GMFB: variants seen among roughly 807,000 people sequenced by gnomAD.
The protein encoded by GMFB is glia maturation factor beta.
GMFB carries 13 observed loss-of-function variants against 25.6 expected under a neutral mutation model. The ratio of observed to expected loss-of-function variants is 0.51; its 90% CI spans 0.33 to 0.81. The LOEUF (loss-of-function observed/expected upper bound fraction) is 0.81, where lower values mean the gene tolerates loss of function less well. GMFB is among the 30% of genes least tolerant of loss of function. GMFB has a pLI of 0.02. For synonymous variants in GMFB, 57 were observed against 56.9 expected (o/e 1.00, Z 0.00); for missense variants, 146 against 175.4 (o/e 0.83, Z 0.95).
In GMFB at chr14:54,488,935, C is replaced by G. The variant is rs1252382735; in HGVS notation, c.-8G>C. 1 of 1,561,564 alleles carries G rather than the reference C, an allele frequency of 6.4e-7. No individual in the cohort carries two copies. ...CCAGCGGCAACTCACCATTTTCCTTCCGGCCGTCAGCGGCCTGTCGCCTAC... is the reference window on the plus strand; with the variant it reads ...CCAGCGGCAACTCACCATTTTCCTTGCGGCCGTCAGCGGCCTGTCGCCTAC... On this transcript the variant is annotated 5_prime_UTR_variant, in exon 1 of 7. Transcript: ENST00000358056.
chr14:54,475,319 G>C lies in GMFB; in HGVS notation c.*2769C>G, dbSNP rs1331604027. 1 of 152,510 alleles carries C rather than the reference G, an allele frequency of 6.6e-6. No homozygotes were observed. The highest frequency in any genetic ancestry group is 1.5e-5 in the Non-Finnish European group (1 of 67,956). 9.4% of individuals were successfully genotyped at this position (152,510 alleles called of 1,614,324 possible). A position where few individuals can be genotyped will look rare whatever the true frequency, so the allele number is the denominator to read the frequency against. On this transcript the variant is annotated 3_prime_UTR_variant, in exon 7 of 7. Transcript: ENST00000358056. Reference sequence around the variant, plus strand: ...AGCTAAAGTGTCAGACAAGGATACAGTTTATGGCTACATTTGACTCCTGAA... The same window carrying C: ...AGCTAAAGTGTCAGACAAGGATACACTTTATGGCTACATTTGACTCCTGAA...
intron 6 of GMFB, 186 bp downstream of exon 6, chr14:54,479,600 T>C: frequency 2.1e-6 from 1 of 474,936 alleles, no homozygotes; most frequent in Non-Finnish European, 3.8e-6. Context: ...ATTCAAAAAA[T>C]ACACTTTGGT....
intron 1 of GMFB, among the ~76,000 whole-genome samples, chr14:54,485,454 T>G (rs2031768572): frequency 6.6e-6 from 1 of 151,976 alleles, no homozygotes; most frequent in Non-Finnish European, 1.5e-5. Flanking sequence ...AGGAATAAAT[T>G]TAACCAAAGA....
intron 5 of GMFB, 180 bp downstream of exon 5, chr14:54,480,694 A>C: frequency 2.1e-6 from 1 of 467,702 alleles, no homozygotes; most frequent in Non-Finnish European, 3.8e-6. Context: ...CTAAGAGATG[A>C]TGCTTCATTC....
intron 1 of GMFB, among the ~76,000 whole-genome samples, chr14:54,485,335 G>C (rs1364038976): frequency 6.7e-6 from 1 of 150,260 alleles, no homozygotes; most frequent in Non-Finnish European, 1.5e-5. Flanking sequence ...TAAAGTTTAG[G>C]ATACAAAATC....
intron 6 of GMFB, chr14:54,478,930 G>A (rs1189720402): frequency 1.3e-5 from 2 of 152,156 alleles, no homozygotes; most frequent in Non-Finnish European, 2.9e-5. Flanking sequence ...CAGACTTGAG[G>A]CCGTTAACAG....
rs1018639324 is a variant in GMFB at position 54,482,334 on chromosome 14, T to G, written c.101-132A>C. On this transcript the variant is annotated intron_variant, in intron 2 of 6. Coordinates refer to ENST00000358056, the MANE Select transcript of GMFB (RefSeq NM_004124.3). ...CAAGAAACAGAAGCATATAACTAAT[T>G]CACAGTTTTAGTTTACGGTTTATTA... 12 of 603,234 alleles carry G rather than the reference T, an allele frequency of 2.0e-5. 1 individual carries two copies. The highest frequency in any genetic ancestry group is 8.7e-5 in the Admixed American group (3 of 34,526). 37.4% of individuals were successfully genotyped at this position (603,234 alleles called of 1,614,324 possible). A position where few individuals can be genotyped will look rare whatever the true frequency, so the allele number is the denominator to read the frequency against.
At chr14:54,488,167 T>C (rs1008970811) in intron 1 of GMFB, among the ~76,000 whole-genome samples, 2 of 152,288 alleles carry the variant, frequency 1.3e-5, no homozygotes, top group Non-Finnish European at 1.5e-5. Flanking sequence ...CTAATGAAAT[T>C]TACCCATATT....
chr14:54,480,842 C>A, intron 5 of GMFB, 32 bp downstream of exon 5: 1 of 1,101,784 alleles, frequency 9.1e-7, no homozygotes, highest in South Asian at 1.3e-5. Flanking sequence ...GGATCTAAGC[C>A]AAATATGTGT....
intron 5 of GMFB, chr14:54,480,080 T>TA (rs1220606519): frequency 4.8e-6 from 2 of 416,260 alleles, no homozygotes; most frequent in African/African-American, 4.1e-5. Flanking sequence ...TTGGCAAAAA[T>TA]AAAGATTCTA....
At chr14:54,479,882 G>A (rs1265334354) in intron 5 of GMFB, 23 bp from the exon 6 acceptor site, 3 of 1,373,856 alleles carry the variant, frequency 2.2e-6, no homozygotes, top group Non-Finnish European at 3.1e-6. Flanking sequence ...GATTAGTGTA[G>A]AAATGAGACA....
At position 54,476,424 on chromosome 14, in the gene GMFB, T is replaced by C. The variant is rs1220884723; in HGVS notation, c.*1664A>G. The C allele has an allele frequency of 6.6e-6, 1 of 152,076 alleles. No homozygotes were observed. The highest frequency in any genetic ancestry group is 6.6e-5 in the Admixed American group (1 of 15,256). The allele number at this position is 152,076 out of a possible 1,614,324, so 9.4% of individuals were successfully genotyped here. A position where few individuals can be genotyped will look rare whatever the true frequency, so the allele number is the denominator to read the frequency against. ...GATTACATGTGCATTCCTACAGAAT[T>C]ATATGCATGTTATTCTCCAATATCA... On this transcript the variant is annotated 3_prime_UTR_variant, in exon 7 of 7. Coordinates refer to ENST00000358056, the MANE Select transcript of GMFB (RefSeq NM_004124.3).
At chr14:54,485,025 C>A (rs1205229350) in intron 1 of GMFB, among the ~76,000 whole-genome samples, 1 of 151,782 alleles carries the variant, frequency 6.6e-6, no homozygotes. Flanking sequence ...GAACACACCT[C>A]AAAACAATAA....
rs1460899948 is a variant in GMFB, at chr14:54,476,800, T to G, written c.*1288A>C. 6.6e-6 allele frequency: 1 copy of G among 152,076 alleles called. No individual in the cohort carries two copies. Among genetic ancestry groups the G allele is most frequent in the Non-Finnish European group, 1.5e-5 (1 of 67,926 alleles). The allele number at this position is 152,076 out of a possible 1,614,324, so 9.4% of individuals were successfully genotyped here. A position where few individuals can be genotyped will look rare whatever the true frequency, so the allele number is the denominator to read the frequency against. ...AATATAAGAATACACTCACCAAGTT[T>G]GGTTAGTTTTTAGAGTCTCTAGACC... is the stretch of plus-strand genomic sequence containing the variant. On this transcript the variant is annotated 3_prime_UTR_variant, in exon 7 of 7. Coordinates refer to ENST00000358056, the MANE Select transcript of GMFB (RefSeq NM_004124.3).
At chr14:54,480,986 A>G in intron 4 of GMFB, 30 bp from the exon 5 acceptor site, 1 of 1,069,670 alleles carries the variant, frequency 9.3e-7, no homozygotes, top group Non-Finnish European at 1.4e-6. Context: ...AACTAAAGTT[A>G]CTGCTCTCAG....
chr14:54,475,907 A>G lies in GMFB; in HGVS notation c.*2181T>C, dbSNP rs2031633148. On this transcript the variant is annotated 3_prime_UTR_variant, in exon 7 of 7. Transcript: ENST00000358056. ...GAAATCTGGAGTTATTATTTGGGAA[A>G]TGGCAGAAAAAAAGACAGTAAATAC... is the stretch of plus-strand genomic sequence containing the variant. 6.6e-6 allele frequency: 1 copy of G among 152,128 alleles called. No individual in the cohort carries two copies. The highest frequency in any genetic ancestry group is 2.4e-5 in the African/African-American group (1 of 41,466). The allele number at this position is 152,128 out of a possible 1,614,324, so 9.4% of individuals were successfully genotyped here.
chr14:54,479,405 C>A (rs919315739), intron 6 of GMFB: 1 of 158,862 alleles, frequency 6.3e-6, no homozygotes, highest in African/African-American at 2.4e-5. Flanking sequence ...CTGCATAATA[C>A]TGAATTCCAG....
At chr14:54,479,982 T>C (rs769212920) in intron 5 of GMFB, 123 bp from the exon 6 acceptor site, 21 of 630,676 alleles carry the variant, frequency 3.3e-5, no homozygotes, top group Middle Eastern at 3.7e-4. Flanking sequence ...TTACAGAATA[T>C]ATATGGGTTG....
intron 2 of GMFB, among the ~76,000 whole-genome samples, chr14:54,482,507 A>G (rs1034509133): frequency 1.2e-4 from 18 of 152,198 alleles, no homozygotes; most frequent in Non-Finnish European, 8.8e-5. Context: ...ACTTCTAGAT[A>G]ATAAGAAAAA....
Sources: gnomAD v4.1 joint callset for allele counts (sites outside exome capture counted in the v4.1 genomes callset) on GRCh38, gnomAD v4.1.1 for gene constraint, MANE v1.5 for transcripts, NCBI Gene and HGNC (gene_info 2026-07-23, HGNC 2026-07-21) for gene names.